CACNA2D1: variants seen among roughly 807,000 people sequenced by gnomAD.
The protein encoded by CACNA2D1 is calcium voltage-gated channel auxiliary subunit alpha2delta 1.
In CACNA2D1, 53 loss-of-function variants were observed where a neutral mutation model predicts 171.5. That is an observed-to-expected ratio of 0.31 (90% confidence interval 0.25 to 0.39). The LOEUF (loss-of-function observed/expected upper bound fraction) is 0.39, where lower values mean the gene tolerates loss of function less well. Ranked by LOEUF, CACNA2D1 falls within the 10% of genes least tolerant of loss-of-function variation. The pLI is 1.00. For missense variants in CACNA2D1, 903 were observed against 1,299.8 expected (o/e 0.69, Z 4.69); for synonymous variants, 442 against 443.1 (o/e 1.00, Z 0.03).
intron 3 of CACNA2D1, among the ~76,000 whole-genome samples, chr7:82,178,481 GA>G (rs1234212612): frequency 1.3e-5 from 2 of 152,046 alleles, no homozygotes; most frequent in Non-Finnish European, 2.9e-5. Flanking sequence ...CACCTGCAAT[GA>G]ATTACGTGTT....
At chr7:82,123,834 T>C (rs1290736259) in intron 5 of CACNA2D1, among the ~76,000 whole-genome samples, 2 of 152,192 alleles carry the variant, frequency 1.3e-5, no homozygotes, top group Non-Finnish European at 1.5e-5. Context: ...GTATATATTA[T>C]ACATACTTAT....
At position 82,436,017 on chromosome 7, in the gene CACNA2D1, T is replaced by C. The variant is rs566267651; in HGVS notation, c.95+7348A>G. ...CAATGTACTTTTTCCTTGGTCATGC[T>C]CTGATGTATCCCAGTGTTCCATAGT... On this transcript the variant is annotated intron_variant, in intron 1 of 38. Transcript: ENST00000356860. Among the ~76,000 whole-genome samples, 9 of 152,308 alleles carry C rather than the reference T, an allele frequency of 5.9e-5. No homozygotes were observed. In the South Asian group the frequency reaches 1.9e-3, roughly 32 times the overall value.
chr7:82,044,363 T>A (rs1318224295), intron 10 of CACNA2D1, among the ~76,000 whole-genome samples: 1 of 152,208 alleles, frequency 6.6e-6, no homozygotes, highest in African/African-American at 2.4e-5. Context: ...TTGTTCAATA[T>A]TTATTACTTA....
chr7:81,950,019 A>G lies in CACNA2D1; in HGVS notation c.*373T>C. 1 of 185,368 alleles carries G rather than the reference A, an allele frequency of 5.4e-6. No individual in the cohort carries two copies. The highest frequency in any genetic ancestry group is 1.1e-5 in the Non-Finnish European group (1 of 89,184). 11.5% of individuals were successfully genotyped at this position (185,368 alleles called of 1,614,324 possible). On this transcript the variant is annotated 3_prime_UTR_variant, in exon 39 of 39. Coordinates refer to ENST00000356860, the MANE Select transcript of CACNA2D1 (RefSeq NM_000722.4). Reference sequence around the variant, plus strand: ...TTAGAGATTTTCTTAGTAAAATTGCAGCAAGTCAAAATTCCAGGTCAATAT... The same window carrying G: ...TTAGAGATTTTCTTAGTAAAATTGCGGCAAGTCAAAATTCCAGGTCAATAT...
intron 3 of CACNA2D1, among the ~76,000 whole-genome samples, chr7:82,222,366 A>T (rs976175579): frequency 2.0e-5 from 3 of 152,240 alleles, no homozygotes; most frequent in African/African-American, 4.8e-5. Context: ...GCCATATTAC[A>T]TACTTACCTG....
In CACNA2D1 at chr7:81,947,261, T is replaced by C. The variant is rs957629336; in HGVS notation, c.*3131A>G. ...ATACTGCCTATTTGAACCCGATAAG[T>C]CCAGTTTTAAAGTTAATAAAAGGAA... On this transcript the variant is annotated 3_prime_UTR_variant, in exon 39 of 39. Transcript: ENST00000356860. 1 of 151,316 alleles carries C rather than the reference T, an allele frequency of 6.6e-6. No individual in the cohort carries two copies. The highest frequency in any genetic ancestry group is 1.5e-5 in the Non-Finnish European group (1 of 67,810). The allele number at this position is 151,316 out of a possible 1,614,324, so 9.4% of individuals were successfully genotyped here. A position where few individuals can be genotyped will look rare whatever the true frequency, so the allele number is the denominator to read the frequency against.
At chr7:82,420,661 C>G (rs74766122) in intron 1 of CACNA2D1, among the ~76,000 whole-genome samples, 1 of 152,140 alleles carries the variant, frequency 6.6e-6, no homozygotes, top group Non-Finnish European at 1.5e-5. Flanking sequence ...CTATGATACA[C>G]TTTAAAAGGA....
chr7:81,993,161 G>A (rs1012416593), intron 20 of CACNA2D1, among the ~76,000 whole-genome samples: 1 of 151,970 alleles, frequency 6.6e-6, no homozygotes, highest in Non-Finnish European at 1.5e-5. Flanking sequence ...AGAATAGTAA[G>A]ACTCATGAAA....
intron 2 of CACNA2D1, among the ~76,000 whole-genome samples, chr7:82,347,603 G>C (rs2129445632): frequency 6.6e-6 from 1 of 152,154 alleles, no homozygotes; most frequent in South Asian, 2.1e-4. Flanking sequence ...TCAGCAAAAG[G>C]AATGAGGCAA....
chr7:82,270,023 G>T (rs1228168925), intron 3 of CACNA2D1, among the ~76,000 whole-genome samples: 1 of 152,086 alleles, frequency 6.6e-6, no homozygotes, highest in Non-Finnish European at 1.5e-5. Context: ...AGACTCCAAT[G>T]CCTTATTTTG....
chr7:82,185,785 T>C (rs925475082), intron 3 of CACNA2D1, among the ~76,000 whole-genome samples: 1 of 151,994 alleles, frequency 6.6e-6, no homozygotes, highest in East Asian at 1.9e-4. Flanking sequence ...TTAATATTTA[T>C]CCAGGGTATC....
intron 6 of CACNA2D1, among the ~76,000 whole-genome samples, chr7:82,115,687 AAAAG>A (rs940861441): frequency 4.0e-5 from 6 of 151,892 alleles, no homozygotes; most frequent in African/African-American, 7.2e-5. Flanking sequence ...ATTTATAATA[AAAAG>A]AATCATATAT....
intron 4 of CACNA2D1, among the ~76,000 whole-genome samples, chr7:82,163,442 T>C (rs1795139016): frequency 2.0e-5 from 3 of 151,984 alleles, no homozygotes; most frequent in South Asian, 4.1e-4. Flanking sequence ...GTCAATTGAT[T>C]ATCATTTCCT....
chr7:82,373,193 A>AT (rs1411016793), intron 1 of CACNA2D1, among the ~76,000 whole-genome samples: 5 of 152,226 alleles, frequency 3.3e-5, no homozygotes, highest in African/African-American at 1.2e-4. Context: ...CAAAAAAAAA[A>AT]TTGAGTATTG....
At chr7:82,130,362 G>A (rs370253362) in intron 5 of CACNA2D1, among the ~76,000 whole-genome samples, 3 of 151,790 alleles carry the variant, frequency 2.0e-5, no homozygotes, top group Non-Finnish European at 4.4e-5. Context: ...GTTTCTGCAC[G>A]GTATTAAACA....
At chr7:82,223,607 T>C (rs905434361) in intron 3 of CACNA2D1, among the ~76,000 whole-genome samples, 1 of 152,192 alleles carries the variant, frequency 6.6e-6, no homozygotes, top group Admixed American at 6.5e-5. Flanking sequence ...GGCTGTTGTA[T>C]GGATTACAGT....
At chr7:82,354,262 T>C (rs974485061) in intron 1 of CACNA2D1, among the ~76,000 whole-genome samples, 3 of 152,220 alleles carry the variant, frequency 2.0e-5, no homozygotes, top group African/African-American at 7.2e-5. Context: ...TCTCTTGTTA[T>C]CTATCTTTTA....
At chr7:82,227,148 T>A (rs1802449564) in intron 3 of CACNA2D1, among the ~76,000 whole-genome samples, 1 of 152,150 alleles carries the variant, frequency 6.6e-6, no homozygotes, top group Non-Finnish European at 1.5e-5. Context: ...TAAAATGGTA[T>A]CCATTCCCCA....
chr7:82,189,024 G>C (rs937476063), intron 3 of CACNA2D1, among the ~76,000 whole-genome samples: 2 of 152,080 alleles, frequency 1.3e-5, no homozygotes, highest in African/African-American at 2.4e-5. Context: ...CTTGAGTGTA[G>C]AGGGCGGGAG....
Sources: gnomAD v4.1 joint callset for allele counts (sites outside exome capture counted in the v4.1 genomes callset) on GRCh38, gnomAD v4.1.1 for gene constraint, MANE v1.5 for transcripts, NCBI Gene and HGNC (gene_info 2026-07-23, HGNC 2026-07-21) for gene names.